The following UNK variants were observed in gnomAD, a reference collection of about 807,000 sequenced individuals.
UNK encodes unk zinc finger.
A neutral mutation model predicts 97.6 loss-of-function variants in UNK; 32 were observed. That is an observed-to-expected ratio of 0.33 (90% CI 0.25 to 0.44). The LOEUF (loss-of-function observed/expected upper bound fraction) is 0.44, where lower values mean the gene tolerates loss of function less well. Ranked by LOEUF, UNK falls within the 20% of genes least tolerant of loss-of-function variation. The probability of loss-of-function intolerance (pLI) is 1.00; values close to 1 mark genes in which losing one functional copy is unlikely to be tolerated. For missense variants in UNK, 771 were observed against 1,098.4 expected, an observed-to-expected ratio of 0.70 and a Z score of 4.21; for synonymous variants, 441 against 461.2, an observed-to-expected ratio of 0.96 and a Z score of 0.56.
At chr17:75,815,902 A>T (rs1422131900) in intron 7 of UNK, among the ~76,000 whole-genome samples, 3 of 152,026 alleles carry the variant, frequency 2.0e-5, no homozygotes, top group African/African-American at 7.2e-5. Flanking sequence ...AAAAAAAAAA[A>T]AAAATTAAAA....
At chr17:75,791,599 C>A (rs1270310173) in intron 1 of UNK, among the ~76,000 whole-genome samples, 3 of 152,166 alleles carry the variant, frequency 2.0e-5, no homozygotes, top group Non-Finnish European at 4.4e-5. Context: ...AAATTAGGAG[C>A]TCATTGTAGC....
Position 75,817,052 on chromosome 17 carries a change from G to C in UNK, c.1104+140G>C, listed in dbSNP as rs1229588583. The stretch of plus-strand genomic sequence containing the variant: ...AGGGGGATCTGTCTTTTCCATCTCA[G>C]CATTCTTCGTCAAAAGTCCAGGCCC... On this transcript the variant is annotated intron_variant, in intron 8 of 15. Coordinates refer to ENST00000589666, the MANE Select transcript of UNK (RefSeq NM_001080419.3). This position sits in a 1 kb window ranked among gnomAD's most constrained non-coding sequence, Gnocchi z 5.8. The C allele has an allele frequency of 2.2e-6, 3 of 1,353,988 alleles. No homozygotes were observed. The highest frequency in any genetic ancestry group is 2.9e-6 in the Non-Finnish European group (3 of 1,022,432). The allele number at this position is 1,353,988 out of a possible 1,614,324, so 83.9% of individuals were successfully genotyped here. A position where few individuals can be genotyped will look rare whatever the true frequency, so the allele number is the denominator to read the frequency against.
At chr17:75,812,709 C>T (rs867437966) in intron 4 of UNK, 124 bp downstream of exon 4, 12 of 1,376,252 alleles carry the variant, frequency 8.7e-6, no homozygotes, top group Middle Eastern at 4.8e-4. Context: ...CGCATCCCAC[C>T]CTACACCCAC....
At chr17:75,791,830 CCT>C in intron 1 of UNK, 1 of 985,408 alleles carries the variant, frequency 1.0e-6, no homozygotes, top group Non-Finnish European at 1.2e-6. Flanking sequence ...TTTCTATCAT[CCT>C]ACAAAGACTG....
intron 13 of UNK, among the ~76,000 whole-genome samples, chr17:75,820,481 C>T (rs1405865845): frequency 6.6e-6 from 1 of 152,160 alleles, no homozygotes; most frequent in East Asian, 1.9e-4. Flanking sequence ...TCACCCCAGG[C>T]TCCGAGAGGC....
intron 13 of UNK, among the ~76,000 whole-genome samples, chr17:75,822,056 C>CT (rs1274708976): frequency 3.3e-5 from 5 of 152,238 alleles, no homozygotes; most frequent in Non-Finnish European, 5.9e-5. Context: ...GTCTTTTCCC[C>CT]TTTATCTCTT....
rs574312902 is a variant in UNK at position 75,822,662 on chromosome 17, C to G, written c.2019+4C>G. The G allele has an allele frequency of 9.2e-5, 147 of 1,595,496 alleles. No individual in the cohort carries two copies. In the African/African-American group the frequency reaches 1.2e-3, roughly 14 times the overall value. ...GTCCTGGAAGCAGGCCAAGCAGGTACCAGGCCCCGTGCCTGCCGGCCTTCC... is the reference window on the plus strand; with the variant it reads ...GTCCTGGAAGCAGGCCAAGCAGGTAGCAGGCCCCGTGCCTGCCGGCCTTCC... On this transcript the variant is annotated splice_donor_region_variant and intron_variant, in intron 14 of 15. Coordinates refer to ENST00000589666, the MANE Select transcript of UNK (RefSeq NM_001080419.3).
At chr17:75,814,402 G>A (rs2061998321) in intron 6 of UNK, among the ~76,000 whole-genome samples, 1 of 146,288 alleles carries the variant, frequency 6.8e-6, no homozygotes, top group African/African-American at 2.5e-5. Flanking sequence ...TGAGGTGGGA[G>A]GATCGCTTGA....
At chr17:75,821,828 CG>C (rs1844343960) in intron 13 of UNK, 1 of 423,778 alleles carries the variant, frequency 2.4e-6, no homozygotes, top group Non-Finnish European at 4.8e-6. Context: ...GCTGGGTTGG[CG>C]GTGGGTGGGA....
chr17:75,805,128 C>G (rs181660109), intron 1 of UNK, among the ~76,000 whole-genome samples: 1 of 151,000 alleles, frequency 6.6e-6, no homozygotes, highest in Non-Finnish European at 1.5e-5. Context: ...TTGCAGTGAG[C>G]TGAGATTGCG....
In UNK at chr17:75,819,927, C is replaced by A; in HGVS notation, c.1656C>A (p.Ser552Arg). 1 of 1,608,528 alleles carries A rather than the reference C, an allele frequency of 6.2e-7. No homozygotes were observed. The highest frequency in any genetic ancestry group is 8.5e-7 in the Non-Finnish European group (1 of 1,177,114). The part of the protein sequence containing the change: ...PHPGSITIGG[S>R]LLQSSAPVNI... ...CCCGGGCCTCTCTTGCAGGCGGCAG[C>A]TTGCTGCAGAGCTCTGCACCCGTGA... Residue 552 changes from serine to arginine, a missense_variant, in exon 13 of 16, where the codon AGC (serine) becomes AGA (arginine). By Grantham distance (110) the Ser-to-Arg change is moderately radical. This residue lies in a region of UNK where 91 missense variants were observed against 173.1 expected (regional missense o/e 0.53). Transcript: ENST00000589666. The surrounding 1 kb of genome is among the most constrained non-coding windows in gnomAD (Gnocchi z 5.4).
intron 1 of UNK, among the ~76,000 whole-genome samples, chr17:75,799,976 C>CA (rs778412852): frequency 6.6e-6 from 1 of 152,136 alleles, no homozygotes; most frequent in Non-Finnish European, 1.5e-5. Context: ...AAAAAAAAGA[C>CA]AAAAAAACCC....
At position 75,823,323 on chromosome 17, in the gene UNK, G is replaced by T; in HGVS notation, c.2078G>T (p.Gly693Val). Residue 693 changes from glycine (G) to valine (V), a missense_variant, in exon 15 of 16, where the codon GGC (glycine) becomes GTC (valine). Physicochemically the swap from Gly to Val is moderately radical, Grantham distance 109. This residue lies in a region of UNK where 208 missense variants were observed against 257.4 expected (regional missense o/e 0.81). Coordinates refer to ENST00000589666, the MANE Select transcript of UNK (RefSeq NM_001080419.3). ...EEAGERASAA[G>V]AECELAREQR... ...GCTGGTGAGCGGGCCAGTGCGGCGG[G>T]CGCCGAGTGCGAGCTGGCCCGGGAG... 6.2e-7 allele frequency: 1 copy of T among 1,611,024 alleles called. No homozygotes were observed. Among genetic ancestry groups the T allele is most frequent in the Non-Finnish European group, 8.5e-7 (1 of 1,178,816 alleles).
rs2062017419 is a variant in UNK, at chr17:75,816,534, T to A, written c.962-236T>A. ...AGCCTCAGTTTTCTTATTTATAAAA[T>A]GGAGACCATATTACTGGTATCTTCT... On this transcript the variant is annotated intron_variant, in intron 7 of 15. Coordinates refer to ENST00000589666, the MANE Select transcript of UNK (RefSeq NM_001080419.3). The surrounding 1 kb of genome is among the most constrained non-coding windows in gnomAD (Gnocchi z 4.0). Among the ~76,000 whole-genome samples the A allele has an allele frequency of 6.6e-6, 1 of 152,230 alleles. No individual in the cohort carries two copies. Among genetic ancestry groups the A allele is most frequent in the African/African-American group, 2.4e-5 (1 of 41,456 alleles).
Position 75,799,543 on chromosome 17 carries a change from G to C in UNK, c.105-10217G>C, listed in dbSNP as rs185913373. The stretch of plus-strand genomic sequence containing the variant: ...TGTTTTGCTGGGTTCGTGCAGAGCT[G>C]CTTTTGTACCAGGTTTCTACCACTT... On this transcript the variant is annotated intron_variant, in intron 1 of 15. Transcript: ENST00000589666. Among the ~76,000 whole-genome samples, 57 of 152,314 alleles carry C rather than the reference G, an allele frequency of 3.7e-4. 1 individual carries two copies. The highest frequency in any genetic ancestry group is 4.4e-5 in the Non-Finnish European group (3 of 68,026).
intron 1 of UNK, among the ~76,000 whole-genome samples, chr17:75,802,242 CTTTTTTTTTTTTTTTTTTTTT>C (rs56221993): frequency 8.5e-5 from 4 of 47,220 alleles, no homozygotes; most frequent in Non-Finnish European, 1.4e-4. Context: ...GCACAGATGT[CTTTTTTTTTTTTTTTTTTTTT>C]TTTTTTTTTT....
chr17:75,818,278 A>G lies in UNK; in HGVS notation c.1371+110A>G, dbSNP rs1033074330. The G allele has an allele frequency of 6.3e-5, 80 of 1,273,184 alleles. No homozygotes were observed. The highest frequency in any genetic ancestry group is 8.4e-5 in the Non-Finnish European group (76 of 907,206). 78.9% of individuals were successfully genotyped at this position (1,273,184 alleles called of 1,614,324 possible). On this transcript the variant is annotated intron_variant, in intron 10 of 15. Transcript: ENST00000589666. This position sits in a 1 kb window ranked among gnomAD's most constrained non-coding sequence, Gnocchi z 5.1. Reference sequence around the variant, plus strand: ...ACCACTTTTCCCAAAAGCTGAGGGCAGGACTAAAGTGGGGTCCCAGCCACA... The same window carrying G: ...ACCACTTTTCCCAAAAGCTGAGGGCGGGACTAAAGTGGGGTCCCAGCCACA...
At chr17:75,801,948 A>G (rs2061863679) in intron 1 of UNK, among the ~76,000 whole-genome samples, 2 of 151,556 alleles carry the variant, frequency 1.3e-5, no homozygotes, top group East Asian at 3.9e-4. Context: ...CCCTGGTTCA[A>G]GTGATTCTTG....
At chr17:75,793,331 G>C (rs2061778854) in intron 1 of UNK, 1 of 790,886 alleles carries the variant, frequency 1.3e-6, no homozygotes, top group Non-Finnish European at 1.5e-6. Context: ...ATGTGTTTTA[G>C]GCATTTAAAA....
Sources: gnomAD v4.1 joint callset for allele counts (sites outside exome capture counted in the v4.1 genomes callset) on GRCh38, gnomAD v4.1.1 for gene constraint, gnomAD v4.1.1 regional missense constraint, Gnocchi (gnomAD v3.1) non-coding constraint, MANE v1.5 for transcripts, NCBI Gene and HGNC (gene_info 2026-07-23, HGNC 2026-07-21) for gene names.